The following SYCP1 variants were observed in gnomAD, a reference collection of about 807,000 sequenced individuals.
The protein encoded by SYCP1 is synaptonemal complex protein 1.
SYCP1 carries 64 observed loss-of-function variants against 153.1 expected under a neutral mutation model. That is an observed-to-expected ratio of 0.42 (90% CI 0.34 to 0.51). The LOEUF is 0.51. Among genes scored for constraint, SYCP1 ranks in the 20% least tolerant of loss-of-function variants. The pLI, the probability that SYCP1 is intolerant of heterozygous loss-of-function variation, is 0.06. For synonymous variants in SYCP1, 384 were observed against 341.8 expected (o/e 1.12, Z -1.36); for missense variants, 997 against 1,049.0 (o/e 0.95, Z 0.68).
chr1:114,986,344 G>T (rs1321002784), intron 30 of SYCP1, among the ~76,000 whole-genome samples: 1 of 152,006 alleles, frequency 6.6e-6, no homozygotes, highest in Non-Finnish European at 1.5e-5. Context: ...AAAATGTAAT[G>T]AGAATTAGAA....
At chr1:114,895,642 G>C (rs1397264720) in intron 16 of SYCP1, 133 bp downstream of exon 16, 1 of 462,212 alleles carries the variant, frequency 2.2e-6, no homozygotes, top group Non-Finnish European at 3.6e-6. Context: ...ATTATATTTG[G>C]TTTTAAGTAA....
At chr1:114,900,530 C>T (rs1667364158) in intron 16 of SYCP1, among the ~76,000 whole-genome samples, 1 of 152,238 alleles carries the variant, frequency 6.6e-6, no homozygotes, top group Admixed American at 6.5e-5. Flanking sequence ...ATCCACCTCC[C>T]TCGGCCTCCC....
intron 23 of SYCP1, among the ~76,000 whole-genome samples, chr1:114,927,905 C>CT (rs1178760288): frequency 6.6e-6 from 1 of 152,086 alleles, no homozygotes; most frequent in African/African-American, 2.4e-5. Context: ...ACCGCAGCCT[C>CT]GATCTCCTGG....
At chr1:114,855,188 A>T in intron 1 of SYCP1, 170 bp downstream of exon 1, 1 of 202,030 alleles carries the variant, frequency 4.9e-6, no homozygotes. Context: ...GGGACAGGAG[A>T]AGGGAACGGG....
chr1:114,966,226 TTC>T (rs1418652476), intron 27 of SYCP1, among the ~76,000 whole-genome samples: 3 of 152,188 alleles, frequency 2.0e-5, no homozygotes, highest in Non-Finnish European at 4.4e-5. Context: ...TATTTGATTT[TTC>T]TCTCTTTTCC....
intron 23 of SYCP1, among the ~76,000 whole-genome samples, chr1:114,930,194 C>T (rs528259355): frequency 4.0e-5 from 6 of 151,876 alleles, no homozygotes; most frequent in African/African-American, 1.4e-4. Context: ...AATAAAGGAG[C>T]TCTTAGAGGG....
chr1:114,900,872 A>G lies in SYCP1; in HGVS notation c.1320+5363A>G, dbSNP rs185902584. ...CCTTAAAACACTTAACAAACCTTGC[A>G]TCTGACCTGCATAATTTAGTCCACC... On this transcript the variant is annotated intron_variant, in intron 16 of 31. Coordinates refer to ENST00000369522, the MANE Select transcript of SYCP1 (RefSeq NM_003176.4). 2.3e-3 allele frequency among the ~76,000 whole-genome samples: 344 copies of G among 151,380 alleles called. 1 individual carries two copies. The highest frequency in any genetic ancestry group is 8.1e-3 in the African/African-American group (332 of 41,240).
intron 20 of SYCP1, among the ~76,000 whole-genome samples, 179 bp from the exon 21 acceptor site, chr1:114,923,270 A>G (rs1369173289): frequency 6.6e-6 from 1 of 152,188 alleles, no homozygotes; most frequent in Non-Finnish European, 1.5e-5. Flanking sequence ...TTAGTAGCCT[A>G]GATGAATTCC....
intron 9 of SYCP1, 102 bp downstream of exon 9, chr1:114,874,666 ATTAT>A (rs1665392131): frequency 4.4e-6 from 3 of 680,154 alleles, no homozygotes; most frequent in Non-Finnish European, 7.2e-6. Flanking sequence ...TAAAAAGATT[ATTAT>A]TTATTTGTTG....
rs140210438 is a variant in SYCP1 at position 114,942,696 on chromosome 1, T to C, written c.1927-1643T>C. Among the ~76,000 whole-genome samples, 499 of 152,032 alleles carry C rather than the reference T, an allele frequency of 3.3e-3. 2 individuals are homozygous for C. The highest frequency in any genetic ancestry group is 0.011 in the African/African-American group (473 of 41,536). ...AACACAAATTCCTTAAGGATATAAA[T>C]AAATGTGAAGGGCAGGGCTTCAAAA... is the stretch of plus-strand genomic sequence containing the variant. On this transcript the variant is annotated intron_variant, in intron 23 of 31. Coordinates refer to ENST00000369522, the MANE Select transcript of SYCP1 (RefSeq NM_003176.4).
chr1:114,925,281 C>CTGT (rs1208739733), intron 21 of SYCP1, among the ~76,000 whole-genome samples: 1 of 151,960 alleles, frequency 6.6e-6, no homozygotes, highest in Non-Finnish European at 1.5e-5. Context: ...ATCATTAAGC[C>CTGT]TGTTGTTTGT....
chr1:114,978,674 ACT>A (rs1672951288), intron 28 of SYCP1, among the ~76,000 whole-genome samples: 1 of 151,616 alleles, frequency 6.6e-6, no homozygotes, highest in Non-Finnish European at 1.5e-5. Flanking sequence ...AGGAAATGAC[ACT>A]CAGAGTAGTT....
chr1:114,854,552 T>A (rs1663806666), upstream of SYCP1, among the ~76,000 whole-genome samples: 1 of 152,226 alleles, frequency 6.6e-6, no homozygotes, highest in South Asian at 2.1e-4. Flanking sequence ...TACGTCCTTA[T>A]CATAGGAATT....
chr1:114,923,142 A>G lies in SYCP1; in HGVS notation c.1719-307A>G. On this transcript the variant is annotated intron_variant, in intron 20 of 31. Coordinates refer to ENST00000369522, the MANE Select transcript of SYCP1 (RefSeq NM_003176.4). ...TAAAACTATAAAAACATTTTAAGCC[A>G]TCAATTTACTTCTGAACACAATGAT... Among the ~76,000 whole-genome samples, 3 of 152,348 alleles carry G rather than the reference A, an allele frequency of 2.0e-5. 1 individual carries two copies. The highest frequency in any genetic ancestry group is 6.8e-3 in the Middle Eastern group (2 of 294).
chr1:114,920,205 T>C (rs1443516804), intron 20 of SYCP1, among the ~76,000 whole-genome samples: 1 of 152,068 alleles, frequency 6.6e-6, no homozygotes, highest in Admixed American at 6.6e-5. Flanking sequence ...TTCAAGACAT[T>C]TTTCAGTTTT....
chr1:114,981,642 G>A (rs1201816023), intron 29 of SYCP1, 130 bp downstream of exon 29: 8 of 825,652 alleles, frequency 9.7e-6, no homozygotes, highest in Non-Finnish European at 1.4e-5. Context: ...TTTTTTTGTG[G>A]TATCAGCATG....
intron 27 of SYCP1, among the ~76,000 whole-genome samples, chr1:114,948,194 G>A (rs1670868759): frequency 6.6e-6 from 1 of 152,016 alleles, no homozygotes; most frequent in Non-Finnish European, 1.5e-5. Flanking sequence ...TTTACAGTTT[G>A]CAAGGTGAAT....
At chr1:114,854,534 A>G (rs1663805856), upstream of SYCP1, among the ~76,000 whole-genome samples, 2 of 152,244 alleles carry the variant, frequency 1.3e-5, no homozygotes, top group African/African-American at 4.8e-5. Context: ...CCTAAGAGCC[A>G]CTTTGCCTAC....
chr1:114,886,955 G>A (rs11807096), intron 14 of SYCP1, among the ~76,000 whole-genome samples: 4,757 of 151,908 alleles, frequency 0.031, 125 homozygotes, highest in Non-Finnish European at 0.042. Flanking sequence ...GTGTTAGGAG[G>A]CCTAGATAAT....
Sources: gnomAD v4.1 joint callset for allele counts (sites outside exome capture counted in the v4.1 genomes callset) on GRCh38, gnomAD v4.1.1 for gene constraint, MANE v1.5 for transcripts, NCBI Gene and HGNC (gene_info 2026-07-23, HGNC 2026-07-21) for gene names.